MAP3K10: variants seen among roughly 807,000 people sequenced by gnomAD.
MAP3K10 encodes mitogen-activated protein kinase kinase kinase 10.
MAP3K10 carries 22 observed loss-of-function variants against 75.0 expected under a neutral mutation model. That is an observed-to-expected ratio of 0.29 (90% confidence interval 0.21 to 0.42). The LOEUF is 0.42. Ranked by LOEUF, MAP3K10 falls within the 10% of genes least tolerant of loss-of-function variation. MAP3K10 has a pLI of 1.00. For missense variants in MAP3K10, 1,165 were observed against 1,379.8 expected (o/e 0.84, Z 2.47); for synonymous variants, 599 against 612.9 (o/e 0.98, Z 0.34).
Position 40,204,516 on chromosome 19 carries a change from G to T in MAP3K10, c.895G>T (p.Gly299Trp). The change falls in exon 3 of 10, where the codon GGG (glycine) becomes TGG (tryptophan). Residue 299 changes from glycine to tryptophan, a missense_variant. By Grantham distance (184) the Gly-to-Trp change is radical. Around this residue, in one of 2 missense-constraint regions of MAP3K10, gnomAD observed 575 missense variants for 793.2 expected, o/e 0.72. Coordinates refer to ENST00000253055, the MANE Select transcript of MAP3K10 (RefSeq NM_002446.4). The surrounding 1 kb of genome is among the most constrained non-coding windows in gnomAD (Gnocchi z 4.3). The stretch of plus-strand genomic sequence containing the variant: ...GGTGCTGCTGTGGGAGCTGCTGACG[G>T]GGGAGGTCCCCTACCGTGAGATCGA... Reference protein sequence around the residue: ...FGVLLWELLTGEVPYREIDAL... With the variant: ...FGVLLWELLTWEVPYREIDAL... 6.2e-7 allele frequency: 1 copy of T among 1,613,870 alleles called. No homozygotes were observed. The highest frequency in any genetic ancestry group is 8.5e-7 in the Non-Finnish European group (1 of 1,179,944).
chr19:40,202,566 G>A (rs1973046507), intron 2 of MAP3K10, among the ~76,000 whole-genome samples: 1 of 152,050 alleles, frequency 6.6e-6, no homozygotes. Context: ...AGTCTTTACA[G>A]GATAGGGTGT....
rs189972135 is a variant in MAP3K10 at position 40,198,696 on chromosome 19, G to A, written c.863+141G>A. 3.9e-5 allele frequency: 31 copies of A among 794,904 alleles called. 1 individual carries two copies. Among genetic ancestry groups the A allele is most frequent in the Non-Finnish European group, 6.1e-5 (31 of 511,700 alleles). The allele number at this position is 794,904 out of a possible 1,614,324, so 49.2% of individuals were successfully genotyped here. A position where few individuals can be genotyped will look rare whatever the true frequency, so the allele number is the denominator to read the frequency against. ...ACCTGCTGGCAAGGTCAGGCCACCA[G>A]ACAAGTGCCAGTTACCTGTTCAGCT... On this transcript the variant is annotated intron_variant, in intron 2 of 9. Transcript: ENST00000253055. This position sits in a 1 kb window ranked among gnomAD's most constrained non-coding sequence, Gnocchi z 4.3.
At chr19:40,201,174 G>GTTTT (rs1175595813) in intron 2 of MAP3K10, among the ~76,000 whole-genome samples, 3 of 130,358 alleles carry the variant, frequency 2.3e-5, no homozygotes, top group African/African-American at 8.4e-5. Flanking sequence ...AGCGTTTTTT[G>GTTTT]TTTTTTTTTT....
At position 40,213,780 on chromosome 19, in the gene MAP3K10, GA is replaced by G; in HGVS notation, c.2102del (p.Glu701GlyfsTer121). 1 of 1,214,940 alleles carries G rather than the reference GA, an allele frequency of 8.2e-7. No individual in the cohort carries two copies. Among genetic ancestry groups the G allele is most frequent in the Non-Finnish European group, 1.0e-6 (1 of 970,970 alleles). 75.3% of individuals were successfully genotyped at this position (1,214,940 alleles called of 1,614,324 possible). ...VAEARAADGE[E>X]QRRWLDGLFF... is the part of the protein sequence containing the mutation. ...CGAGGCGCGCGCGGCCGACGGTGAGGAGCAGCGGCGCTGGCTCGACGGCCTC... is the reference window on the plus strand; with the variant it reads ...CGAGGCGCGCGCGGCCGACGGTGAGGGCAGCGGCGCTGGCTCGACGGCCTC... On this transcript the variant is annotated frameshift_variant, in exon 9 of 10. Transcript: ENST00000253055. LOFTEE classifies it high-confidence loss of function. The surrounding 1 kb of genome is among the most constrained non-coding windows in gnomAD (Gnocchi z 5.7).
In MAP3K10 at chr19:40,205,879, C is replaced by A; in HGVS notation, c.1189-32C>A. ...TCCCCAGGAAGCAGAGCAGCTAAGC[C>A]CCTCCCCCCAGCCACCGCCTCTCCT... On this transcript the variant is annotated intron_variant, in intron 4 of 9. Transcript: ENST00000253055. The surrounding 1 kb of genome is among the most constrained non-coding windows in gnomAD (Gnocchi z 4.3). The A allele has an allele frequency of 2.0e-6, 3 of 1,495,050 alleles. No homozygotes were observed. In the South Asian group the frequency reaches 4.0e-5, roughly 20 times the overall value. The allele number at this position is 1,495,050 out of a possible 1,614,324, so 92.6% of individuals were successfully genotyped here. A position where few individuals can be genotyped will look rare whatever the true frequency, so the allele number is the denominator to read the frequency against.
Position 40,204,771 on chromosome 19 carries a change from T to C in MAP3K10, c.1012+138T>C, listed in dbSNP as rs1172928832. The C allele has an allele frequency of 1.9e-6, 2 of 1,066,820 alleles. No homozygotes were observed. The highest frequency in any genetic ancestry group is 1.6e-5 in the African/African-American group (1 of 62,636). The allele number at this position is 1,066,820 out of a possible 1,614,324, so 66.1% of individuals were successfully genotyped here. A position where few individuals can be genotyped will look rare whatever the true frequency, so the allele number is the denominator to read the frequency against. On this transcript the variant is annotated intron_variant, in intron 3 of 9. Coordinates refer to ENST00000253055, the MANE Select transcript of MAP3K10 (RefSeq NM_002446.4). The surrounding 1 kb of genome is among the most constrained non-coding windows in gnomAD (Gnocchi z 4.3). ...GAAGGGGCTGGAACCCACTGGACTC[T>C]AAACAGCCTCCCCATGGTTGGCTCC...
chr19:40,213,931 C>A lies in MAP3K10; in HGVS notation c.2252C>A (p.Ser751Tyr). The change falls in exon 9 of 10, where the codon TCC becomes TAC. Residue 751 changes from serine (S) to tyrosine (Y), a missense_variant. By Grantham distance (144) the Ser-to-Tyr change is moderately radical. Around this residue, in one of 2 missense-constraint regions of MAP3K10, gnomAD observed 590 missense variants for 586.6 expected, o/e 1.01. Coordinates refer to ENST00000253055, the MANE Select transcript of MAP3K10 (RefSeq NM_002446.4). The surrounding 1 kb of genome is among the most constrained non-coding windows in gnomAD (Gnocchi z 5.7). Reference sequence around the variant, plus strand: ...TCGGCCACCCTCGTGTCGCTGTCGTCCGTGTCCGACTGCAACTCCACGCGT... The same window carrying A: ...TCGGCCACCCTCGTGTCGCTGTCGTACGTGTCCGACTGCAACTCCACGCGT... The part of the protein sequence containing the change: ...APSATLVSLS[S>Y]VSDCNSTRSL... 6.5e-7 allele frequency: 1 copy of A among 1,527,608 alleles called. No individual in the cohort carries two copies. 94.6% of individuals were successfully genotyped at this position (1,527,608 alleles called of 1,614,324 possible).
chr19:40,205,502 A>C lies in MAP3K10; in HGVS notation c.1188+206A>C. 1 of 587,638 alleles carries C rather than the reference A, an allele frequency of 1.7e-6. No individual in the cohort carries two copies. The highest frequency in any genetic ancestry group is 3.0e-6 in the Non-Finnish European group (1 of 332,088). The allele number at this position is 587,638 out of a possible 1,614,324, so 36.4% of individuals were successfully genotyped here. On this transcript the variant is annotated intron_variant, in intron 4 of 9. Coordinates refer to ENST00000253055, the MANE Select transcript of MAP3K10 (RefSeq NM_002446.4). The surrounding 1 kb of genome is among the most constrained non-coding windows in gnomAD (Gnocchi z 4.3). ...CTGTACTGAAGTACTTACAGGTGACACTGCATGATGTCTGGGGTTGGCTTT... is the reference window on the plus strand; with the variant it reads ...CTGTACTGAAGTACTTACAGGTGACCCTGCATGATGTCTGGGGTTGGCTTT...
At chr19:40,202,251 A>C (rs533358529) in intron 2 of MAP3K10, among the ~76,000 whole-genome samples, 64 of 152,210 alleles carry the variant, frequency 4.2e-4, no homozygotes, top group Non-Finnish European at 9.0e-4. Flanking sequence ...CGTGCTAGCC[A>C]GGATGGTCTC....
chr19:40,201,384 G>A (rs987955218), intron 2 of MAP3K10, among the ~76,000 whole-genome samples: 2 of 151,164 alleles, frequency 1.3e-5, no homozygotes, highest in African/African-American at 4.9e-5. Flanking sequence ...CAGTAGAGAC[G>A]GGGTTTCACC....
At chr19:40,211,776 T>C (rs182210415) in intron 6 of MAP3K10, among the ~76,000 whole-genome samples, 7 of 152,112 alleles carry the variant, frequency 4.6e-5, no homozygotes, top group Non-Finnish European at 8.8e-5. Flanking sequence ...CAGGCTGGAG[T>C]GCAATGGTGC....
In MAP3K10 at chr19:40,204,963, G is replaced by T; in HGVS notation, c.1013-158G>T. ...CCCAGCGTTTCACTGAGTGGAATTG[G>T]CCAGGAGCTTGGCTTTGAATCCCTT... On this transcript the variant is annotated intron_variant, in intron 3 of 9. Coordinates refer to ENST00000253055, the MANE Select transcript of MAP3K10 (RefSeq NM_002446.4). The surrounding 1 kb of genome is among the most constrained non-coding windows in gnomAD (Gnocchi z 4.3). 1.4e-6 allele frequency: 1 copy of T among 730,692 alleles called. No homozygotes were observed. 45.3% of individuals were successfully genotyped at this position (730,692 alleles called of 1,614,324 possible).
In MAP3K10 at chr19:40,215,119, C is replaced by G. The variant is rs1426814755; in HGVS notation, c.2692C>G (p.Pro898Ala). The G allele has an allele frequency of 2.5e-6, 4 of 1,611,546 alleles. No homozygotes were observed. Among genetic ancestry groups the G allele is most frequent in the Middle Eastern group, 1.7e-4 (1 of 6,058 alleles). Residue 898 changes from proline to alanine, a missense_variant, in exon 10 of 10, where the codon CCC (proline) becomes GCC (alanine). By Grantham distance (27) the Pro-to-Ala change is conservative. This residue lies in a region of MAP3K10 where 590 missense variants were observed against 586.6 expected (regional missense o/e 1.01). Coordinates refer to ENST00000253055, the MANE Select transcript of MAP3K10 (RefSeq NM_002446.4). ...GGCTGCCAGTCGCCCCCGCTTGGAC[C>G]CCTGGAAACTGGTCTCCTTCGGCCG... is the stretch of plus-strand genomic sequence containing the variant. ...RPAASRPRLD[P>A]WKLVSFGRTL...
At chr19:40,202,775 G>A (rs1332532095) in intron 2 of MAP3K10, among the ~76,000 whole-genome samples, 1 of 151,940 alleles carries the variant, frequency 6.6e-6, no homozygotes, top group African/African-American at 2.4e-5. Flanking sequence ...ACTCTTTCCC[G>A]GCCGGGCACC....
rs1405678374 is a variant in MAP3K10 at position 40,214,042 on chromosome 19, C to G, written c.2363C>G (p.Ser788Trp). The G allele has an allele frequency of 1.3e-6, 2 of 1,533,860 alleles. No individual in the cohort carries two copies. The highest frequency in any genetic ancestry group is 1.4e-5 in the African/African-American group (1 of 71,918). The change falls in exon 9 of 10, where the codon TCG becomes TGG. Residue 788 changes from serine to tryptophan, a missense_variant. Ser to Trp is a radical substitution (Grantham distance 177). Coordinates refer to ENST00000253055, the MANE Select transcript of MAP3K10 (RefSeq NM_002446.4). ...PSPPAPTPTP[S>W]PSTNPLVDLE... is the part of the protein sequence containing the mutation. ...CCGCCCGCGCCCACACCCACGCCCT[C>G]GCCCAGCACCAACCCCCTGGTGGAC...
rs1036948931 is a variant in MAP3K10, at chr19:40,215,522, C to T, written c.*230C>T. The T allele has an allele frequency of 1.1e-5, 6 of 542,262 alleles. No individual in the cohort carries two copies. In the African/African-American group the frequency reaches 1.1e-4, roughly 10 times the overall value. 33.6% of individuals were successfully genotyped at this position (542,262 alleles called of 1,614,324 possible). A position where few individuals can be genotyped will look rare whatever the true frequency, so the allele number is the denominator to read the frequency against. ...TGGGCAGGGATACTCAGGGACAGGGCATCATGGGGGATTTGGCACAAAATG... is the reference window on the plus strand; with the variant it reads ...TGGGCAGGGATACTCAGGGACAGGGTATCATGGGGGATTTGGCACAAAATG... On this transcript the variant is annotated 3_prime_UTR_variant, in exon 10 of 10. Transcript: ENST00000253055.
At chr19:40,211,967 C>G (rs1973248113) in intron 6 of MAP3K10, among the ~76,000 whole-genome samples, 1 of 152,210 alleles carries the variant, frequency 6.6e-6, no homozygotes, top group African/African-American at 2.4e-5. Flanking sequence ...TCAAGTGATT[C>G]TTCTGCCTGG....
Position 40,204,410 on chromosome 19 carries a change from AC to A in MAP3K10, c.864-73del. The A allele has an allele frequency of 6.5e-7, 1 of 1,528,232 alleles. No individual in the cohort carries two copies. Among genetic ancestry groups the A allele is most frequent in the Non-Finnish European group, 8.8e-7 (1 of 1,132,280 alleles). The allele number at this position is 1,528,232 out of a possible 1,614,324, so 94.7% of individuals were successfully genotyped here. ...TGGGGTGAGGGCAGCCCTGCATGGG[AC>A]CAAGGGCAGGGCTGGGTATAGGTGA... On this transcript the variant is annotated intron_variant, in intron 2 of 9. Coordinates refer to ENST00000253055, the MANE Select transcript of MAP3K10 (RefSeq NM_002446.4). The surrounding 1 kb of genome is among the most constrained non-coding windows in gnomAD (Gnocchi z 4.3).
At position 40,207,230 on chromosome 19, in the gene MAP3K10, A is replaced by AT. The variant is rs369414533; in HGVS notation, c.1435+1083dup. 6.4e-4 allele frequency among the ~76,000 whole-genome samples: 97 copies of AT among 150,456 alleles called. 2 individuals carry two copies. Among genetic ancestry groups the AT allele is most frequent in the Admixed American group, 4.4e-3 (66 of 15,034 alleles). ...TTAATCAGATTCAGATTCAGGTTTG[A>AT]TTTTTTTTTTCCCCACACTGCTTCC... On this transcript the variant is annotated intron_variant, in intron 5 of 9. Transcript: ENST00000253055.
Sources: allele counts gnomAD v4.1 joint callset (sites outside exome capture counted in the v4.1 genomes callset), GRCh38; gene constraint gnomAD v4.1.1; regional missense constraint gnomAD v4.1.1; non-coding constraint Gnocchi (gnomAD v3.1); transcripts MANE v1.5; gene names NCBI Gene and HGNC (gene_info 2026-07-23, HGNC 2026-07-21).